Variants in EFCAB5 observed in about 807,000 individuals in gnomAD.
The protein encoded by EFCAB5 is EF-hand calcium binding domain 5.
A neutral mutation model predicts 167.9 loss-of-function variants in EFCAB5; 131 were observed. The ratio of observed to expected loss-of-function variants is 0.78; its 90% confidence interval spans 0.68 to 0.90. The LOEUF (loss-of-function observed/expected upper bound fraction) is 0.90, where lower values mean the gene tolerates loss of function less well. Ranked by LOEUF, EFCAB5 falls within the 40% of genes least tolerant of loss-of-function variation. The probability of loss-of-function intolerance (pLI) is 0.00; values close to 1 mark genes in which losing one functional copy is unlikely to be tolerated. For missense variants in EFCAB5, 1,663 were observed against 1,745.2 expected (o/e 0.95, Z 0.84); for synonymous variants, 574 against 602.8 (o/e 0.95, Z 0.70).
At chr17:29,970,637 GACACAC>G (rs34545008) in intron 4 of EFCAB5, among the ~76,000 whole-genome samples, 3 of 138,668 alleles carry the variant, frequency 2.2e-5, no homozygotes, top group Non-Finnish European at 4.6e-5. Context: ...CTCAAAAACA[GACACAC>G]ACACACACAC....
At chr17:29,942,174 T>G in intron 1 of EFCAB5, 66 bp from the exon 2 acceptor site, 1 of 1,353,534 alleles carries the variant, frequency 7.4e-7, no homozygotes, top group Non-Finnish European at 1.0e-6. Context: ...TGTATTAAAG[T>G]ATGAGACAGT....
chr17:29,990,314 T>C (rs1241472687), intron 4 of EFCAB5, among the ~76,000 whole-genome samples: 2 of 152,188 alleles, frequency 1.3e-5, no homozygotes, highest in Admixed American at 6.5e-5. Context: ...TGTTTATCAG[T>C]AATTTGATTG....
Position 30,091,942 on chromosome 17 carries a change from G to A in EFCAB5, c.4009G>A (p.Glu1337Lys), listed in dbSNP as rs754387654. The A allele has an allele frequency of 2.5e-6, 4 of 1,613,958 alleles. No individual in the cohort carries two copies. In the Admixed American group the frequency reaches 6.7e-5, roughly 27 times the overall value. The change falls in exon 21 of 23, where the codon GAA (glutamate) becomes AAA (lysine). Residue 1337 changes from glutamate to lysine, a missense_variant. Physicochemically the swap from Glu to Lys is moderately conservative, Grantham distance 56 (BLOSUM62 1). Transcript: ENST00000394835. ...FFRIMLLELQ[E>K]SIQLLNSMEF... is the part of the protein sequence containing the mutation. The stretch of plus-strand genomic sequence containing the variant: ...CCGAATCATGCTGCTCGAGCTACAG[G>A]AAAGCATCCAACTACTCAATTCCAT...
Position 30,090,354 on chromosome 17 carries a change from G to A in EFCAB5, c.3684-67G>A. ...TAGGCACAAGAGAGTAATTCAATATGTTTTGGTGGAATGATGTGAACAGAC... is the reference window on the plus strand; with the variant it reads ...TAGGCACAAGAGAGTAATTCAATATATTTTGGTGGAATGATGTGAACAGAC... On this transcript the variant is annotated intron_variant, in intron 19 of 22. Transcript: ENST00000394835. 18 of 1,559,390 alleles carry A rather than the reference G, an allele frequency of 1.2e-5. 1 individual carries two copies. Among genetic ancestry groups the A allele is most frequent in the Non-Finnish European group, 1.6e-5 (18 of 1,153,458 alleles).
At chr17:29,985,018 G>C (rs2068251881) in intron 4 of EFCAB5, among the ~76,000 whole-genome samples, 1 of 152,166 alleles carries the variant, frequency 6.6e-6, no homozygotes, top group Non-Finnish European at 1.5e-5. Context: ...GAAAGATGAA[G>C]ACTTGCCTCC....
chr17:30,069,963 G>T (rs1200834085), intron 14 of EFCAB5, among the ~76,000 whole-genome samples: 3 of 152,162 alleles, frequency 2.0e-5, no homozygotes, highest in Non-Finnish European at 4.4e-5. Context: ...GGCCGCCTTG[G>T]CAGGGGGGGC....
At chr17:30,094,523 A>T (rs866888921) in intron 22 of EFCAB5, among the ~76,000 whole-genome samples, 96 of 150,418 alleles carry the variant, frequency 6.4e-4, no homozygotes, top group Middle Eastern at 3.4e-3. Context: ...AAAAAAAAAA[A>T]AAAAAAAAAA....
upstream of EFCAB5, among the ~76,000 whole-genome samples, chr17:29,937,689 T>C (rs2067257097): frequency 6.6e-6 from 1 of 152,208 alleles, no homozygotes; most frequent in Non-Finnish European, 1.5e-5. Context: ...ATAGAGATCC[T>C]GCCAGTTACC....
Position 30,054,147 on chromosome 17 carries a change from A to G in EFCAB5, c.2193A>G (p.Pro731=). 1.3e-6 allele frequency: 2 copies of G among 1,539,528 alleles called. No individual in the cohort carries two copies. The highest frequency in any genetic ancestry group is 1.7e-6 in the Non-Finnish European group (2 of 1,145,060). The change falls in exon 10 of 23, where the codon CCA becomes CCG. Residue 731 remains proline, a splice_region_variant and synonymous_variant. Coordinates refer to ENST00000394835, the MANE Select transcript of EFCAB5 (RefSeq NM_198529.4). ...VPTLSRKDHF[P]ETTKKEVQKD... is the part of the protein sequence containing the mutation. ...CCTTAAGCAGAAAAGATCACTTTCC[A>G]GGTAGTAATGCAGTTCTTCTACAAC...
chr17:29,958,985 C>G (rs2067669927), intron 3 of EFCAB5, among the ~76,000 whole-genome samples: 1 of 152,104 alleles, frequency 6.6e-6, no homozygotes, highest in African/African-American at 2.4e-5. Context: ...TCTCCCCAAC[C>G]CCCTGCCAAA....
rs1449607237 is a variant in EFCAB5 at position 30,054,964 on chromosome 17, C to T, written c.2194+816C>T. Among the ~76,000 whole-genome samples, 4 of 152,092 alleles carry T rather than the reference C, an allele frequency of 2.6e-5. No individual in the cohort carries two copies. In the East Asian group the frequency reaches 7.7e-4, roughly 29 times the overall value. The stretch of plus-strand genomic sequence containing the variant: ...TAATGGTGCTGGCAATTTGGATATG[C>T]CAAAGAGAAGCCATAAAATGCTACC... On this transcript the variant is annotated intron_variant, in intron 10 of 22. Coordinates refer to ENST00000394835, the MANE Select transcript of EFCAB5 (RefSeq NM_198529.4).
intron 19 of EFCAB5, 114 bp downstream of exon 19, chr17:30,087,280 CT>C (rs1038366207): frequency 2.7e-6 from 2 of 739,678 alleles, no homozygotes; most frequent in African/African-American, 1.8e-5. Context: ...TTTATTCTTT[CT>C]TTTTAATTTA....
At chr17:30,102,574 T>C (rs1227227418) in intron 22 of EFCAB5, among the ~76,000 whole-genome samples, 1 of 152,098 alleles carries the variant, frequency 6.6e-6, no homozygotes, top group Non-Finnish European at 1.5e-5. Context: ...TTCTTTCTTT[T>C]CCTTTACATT....
chr17:29,948,412 AC>A (rs1298503912), intron 3 of EFCAB5, among the ~76,000 whole-genome samples: 2 of 152,182 alleles, frequency 1.3e-5, no homozygotes, highest in African/African-American at 2.4e-5. Context: ...TATGATATGT[AC>A]TGAAAACATT....
upstream of EFCAB5, among the ~76,000 whole-genome samples, chr17:29,940,133 T>C (rs2067278855): frequency 6.6e-6 from 1 of 151,212 alleles, no homozygotes; most frequent in Non-Finnish European, 1.5e-5. Context: ...TGGAGTGCAA[T>C]GGCATGATCT....
intron 8 of EFCAB5, 27 bp from the exon 9 acceptor site, chr17:30,051,091 T>G: frequency 6.2e-7 from 1 of 1,609,490 alleles, no homozygotes. Context: ...CTGTAACAAC[T>G]AATCACAAAC....
chr17:30,012,274 G>T (rs1301252005), intron 7 of EFCAB5, among the ~76,000 whole-genome samples: 1 of 152,110 alleles, frequency 6.6e-6, no homozygotes, highest in African/African-American at 2.4e-5. Context: ...CTTGTGAAGG[G>T]GCTGACATTA....
At chr17:29,944,679 A>G (rs2067363277) in intron 3 of EFCAB5, among the ~76,000 whole-genome samples, 1 of 148,024 alleles carries the variant, frequency 6.8e-6, no homozygotes, top group Admixed American at 6.9e-5. Flanking sequence ...GGCAGAGTGC[A>G]ATGGTGCAAT....
intron 3 of EFCAB5, among the ~76,000 whole-genome samples, chr17:29,947,968 G>A (rs542208571): frequency 7.9e-5 from 12 of 152,262 alleles, no homozygotes; most frequent in African/African-American, 2.6e-4. Context: ...TGGGATTGCA[G>A]CCATCTGCCA....
Sources: allele counts gnomAD v4.1 joint callset (sites outside exome capture counted in the v4.1 genomes callset), GRCh38; gene constraint gnomAD v4.1.1; transcripts MANE v1.5; gene names NCBI Gene and HGNC (gene_info 2026-07-23, HGNC 2026-07-21).